The following BBS9 variants were observed in gnomAD, a reference collection of about 807,000 sequenced individuals.
BBS9 encodes Bardet-Biedl syndrome 9.
In BBS9, 89 loss-of-function variants were observed where a neutral mutation model predicts 117.7. The observed-to-expected ratio is 0.76, with a 90% CI of 0.64 to 0.90. The LOEUF (loss-of-function observed/expected upper bound fraction) is 0.90. Among genes scored for constraint, BBS9 ranks in the 40% least tolerant of loss-of-function variants. The pLI is 0.00. For missense variants in BBS9, 982 were observed against 1,042.2 expected (o/e 0.94, Z 0.80); for synonymous variants, 379 against 370.9 (o/e 1.02, Z -0.25).
intron 5 of BBS9, among the ~76,000 whole-genome samples, chr7:33,198,347 C>G (rs911324046): frequency 4.0e-5 from 6 of 151,690 alleles, no homozygotes; most frequent in Admixed American, 1.3e-4. Context: ...AGTTCATTGT[C>G]CTAAAGATGA....
chr7:33,456,675 A>G (rs774616636), intron 19 of BBS9, among the ~76,000 whole-genome samples: 3 of 152,072 alleles, frequency 2.0e-5, no homozygotes, highest in Non-Finnish European at 4.4e-5. Flanking sequence ...TCTTTCAGAT[A>G]GAATGGAAAG....
chr7:33,207,174 A>G (rs569549294), intron 5 of BBS9, among the ~76,000 whole-genome samples: 12 of 152,324 alleles, frequency 7.9e-5, no homozygotes, highest in African/African-American at 2.9e-4. Flanking sequence ...CTGGTGTTTT[A>G]TGCCTTGCAA....
intron 16 of BBS9, among the ~76,000 whole-genome samples, chr7:33,367,513 G>T (rs1373412842): frequency 6.6e-6 from 1 of 152,206 alleles, no homozygotes; most frequent in East Asian, 1.9e-4. Context: ...CATCTTGCAC[G>T]TGTTCTGTCT....
chr7:33,477,925 A>T (rs1013687361), intron 19 of BBS9, among the ~76,000 whole-genome samples: 1 of 152,076 alleles, frequency 6.6e-6, no homozygotes, highest in African/African-American at 2.4e-5. Context: ...TTTGTTTGGT[A>T]TTGTTTGTTG....
intron 19 of BBS9, among the ~76,000 whole-genome samples, chr7:33,504,095 G>A (rs1845823102): frequency 6.6e-6 from 1 of 152,192 alleles, no homozygotes; most frequent in Non-Finnish European, 1.5e-5. Context: ...CCTGTGGACT[G>A]TAAGATATTG....
rs991750613 is a variant in BBS9 at position 33,466,415 on chromosome 7, C to T, written c.2116-39048C>T. Among the ~76,000 whole-genome samples, 22 of 142,432 alleles carry T rather than the reference C, an allele frequency of 1.5e-4. 1 individual carries two copies. The highest frequency in any genetic ancestry group is 1.0e-3 in the East Asian group (5 of 4,814). 93.4% of individuals were successfully genotyped at this position (142,432 alleles called of 152,430 possible). A position where few individuals can be genotyped will look rare whatever the true frequency, so the allele number is the denominator to read the frequency against. On this transcript the variant is annotated intron_variant, in intron 19 of 22. Coordinates refer to ENST00000242067, the MANE Select transcript of BBS9 (RefSeq NM_198428.3). The stretch of plus-strand genomic sequence containing the variant: ...CAGTATTTGTCTTTCTGGGCCCGCC[C>T]GGTTTATTTCACTTAACATAAGATC...
At chr7:33,502,689 C>T (rs574834957) in intron 19 of BBS9, among the ~76,000 whole-genome samples, 14 of 152,172 alleles carry the variant, frequency 9.2e-5, no homozygotes, top group Non-Finnish European at 1.5e-4. Flanking sequence ...CTTTCTCTAC[C>T]TCTTCCTTCC....
intron 19 of BBS9, among the ~76,000 whole-genome samples, chr7:33,462,343 G>GT (rs539899130): frequency 1.3e-5 from 2 of 151,986 alleles, no homozygotes; most frequent in Non-Finnish European, 2.9e-5. Flanking sequence ...AATATGTAAA[G>GT]TTTTTTTGAC....
At chr7:33,150,154 G>C (rs1205126458) in intron 2 of BBS9, among the ~76,000 whole-genome samples, 1 of 152,138 alleles carries the variant, frequency 6.6e-6, no homozygotes, top group African/African-American at 2.4e-5. Flanking sequence ...ATCAGTCTCT[G>C]AATGAGCTTC....
At chr7:33,274,850 C>A (rs889112078) in intron 9 of BBS9, among the ~76,000 whole-genome samples, 32 of 151,906 alleles carry the variant, frequency 2.1e-4, no homozygotes, top group African/African-American at 7.5e-4. Context: ...AAAAAATTAG[C>A]CAGGTGTGGC....
intron 4 of BBS9, chr7:33,157,831 G>A (rs1396058750): frequency 2.1e-5 from 3 of 146,066 alleles, no homozygotes; most frequent in Non-Finnish European, 4.5e-5. Context: ...GGTGGGTTAT[G>A]TGTCATCAAA....
At chr7:33,367,005 G>A (rs1821899344) in intron 16 of BBS9, among the ~76,000 whole-genome samples, 1 of 152,150 alleles carries the variant, frequency 6.6e-6, no homozygotes, top group South Asian at 2.1e-4. Flanking sequence ...TTTTGTGTGT[G>A]ATGGTAACAG....
intron 19 of BBS9, among the ~76,000 whole-genome samples, chr7:33,502,173 G>A (rs1479485584): frequency 6.6e-6 from 1 of 152,132 alleles, no homozygotes; most frequent in African/African-American, 2.4e-5. Context: ...CTCCCAAAGT[G>A]CTGGGATTAC....
chr7:33,170,564 A>G (rs1796385337), intron 4 of BBS9, among the ~76,000 whole-genome samples: 1 of 150,642 alleles, frequency 6.6e-6, no homozygotes, highest in Non-Finnish European at 1.5e-5. Context: ...GCCCTCTCTC[A>G]CCACTCCTAT....
chr7:33,158,824 A>G (rs773265156), intron 4 of BBS9, among the ~76,000 whole-genome samples: 8 of 151,514 alleles, frequency 5.3e-5, no homozygotes, highest in Non-Finnish European at 8.9e-5. Context: ...TGAGCAAAGA[A>G]TGATTTGTGA....
chr7:33,592,642 ACCT>A (rs957709657), intron 21 of BBS9, among the ~76,000 whole-genome samples: 1 of 152,032 alleles, frequency 6.6e-6, no homozygotes, highest in African/African-American at 2.4e-5. Flanking sequence ...TCTTCTCTCA[ACCT>A]GTTTCCAAGC....
In BBS9 at chr7:33,215,207, C is replaced by T. The variant is rs143885811; in HGVS notation, c.442+37616C>T. Among the ~76,000 whole-genome samples, 950 of 152,246 alleles carry T rather than the reference C, an allele frequency of 6.2e-3. 7 individuals are homozygous for T. The highest frequency in any genetic ancestry group is 0.01 in the Non-Finnish European group (708 of 68,000). On this transcript the variant is annotated intron_variant, in intron 5 of 22. Transcript: ENST00000242067. ...GACTCCGTCTCAGAAAAGAAAAGAA[C>T]ACAGCTGGAGGCATCGCACTACTTG...
chr7:33,338,903 C>T (rs910691945), intron 10 of BBS9, among the ~76,000 whole-genome samples: 1 of 152,194 alleles, frequency 6.6e-6, no homozygotes, highest in African/African-American at 2.4e-5. Context: ...GGTGCCCATA[C>T]AGCTGTGTCT....
intron 19 of BBS9, among the ~76,000 whole-genome samples, chr7:33,422,772 T>C (rs1398457961): frequency 6.6e-6 from 1 of 152,214 alleles, no homozygotes; most frequent in African/African-American, 2.4e-5. Flanking sequence ...AGTTTATTTT[T>C]TATTTTTATT....
Sources: allele counts gnomAD v4.1 joint callset (sites outside exome capture counted in the v4.1 genomes callset), GRCh38; gene constraint gnomAD v4.1.1; transcripts MANE v1.5; gene names NCBI Gene and HGNC (gene_info 2026-07-23, HGNC 2026-07-21).